The following SPRYD4 variants were observed in gnomAD, a reference collection of about 807,000 sequenced individuals.
SPRYD4 encodes SPRY domain containing 4, also known as SPRY domain-containing protein 4.
SPRYD4 carries 12 observed loss-of-function variants against 16.6 expected under a neutral mutation model. The observed-to-expected ratio is 0.72, with a 90% CI of 0.46 to 1.17. The LOEUF (loss-of-function observed/expected upper bound fraction) is 1.17, where lower values mean the gene tolerates loss of function less well. Ranked by LOEUF, SPRYD4 falls within the 50% of genes most tolerant of loss-of-function variation. SPRYD4 has a pLI of 0.00. For missense variants in SPRYD4, 260 were observed against 260.2 expected, an observed-to-expected ratio of 1.00 and a Z score of 0.00; for synonymous variants, 98 against 105.4, an observed-to-expected ratio of 0.93 and a Z score of 0.43.
rs770107628 is a variant in SPRYD4, at chr12:56,469,256, G to C, written c.303G>C (p.Arg101=). ...CAGTGAAGCGCTCCCAGCAGTTCCG[G>C]ATAGGAGTGGCAGATGTGGACATGT... ...EVTVKRSQQF[R]IGVADVDMSR... The change falls in exon 2 of 2, where the codon CGG becomes CGC. Residue 101 remains arginine, a synonymous_variant. Transcript: ENST00000338146. 16 of 1,613,962 alleles carry C rather than the reference G, an allele frequency of 9.9e-6. No homozygotes were observed. Among genetic ancestry groups the C allele is most frequent in the Non-Finnish European group, 1.4e-5 (16 of 1,179,954 alleles).
In SPRYD4 at chr12:56,471,814, G is replaced by T; in HGVS notation, c.*2237G>T. ...GATTCACTTTGCAAGCCTCGATCAG[G>T]AATTTAACAACTTCGATGTGTCCTA... On this transcript the variant is annotated 3_prime_UTR_variant, in exon 2 of 2. Transcript: ENST00000338146. The T allele has an allele frequency of 6.2e-7, 1 of 1,614,042 alleles. No homozygotes were observed. The highest frequency in any genetic ancestry group is 1.3e-5 in the African/African-American group (1 of 75,038).
In SPRYD4 at chr12:56,470,333, ATTTATT is replaced by A. The variant is rs1197266859; in HGVS notation, c.*760_*765del. The A allele has an allele frequency of 1.3e-5, 2 of 152,190 alleles. No homozygotes were observed. The highest frequency in any genetic ancestry group is 2.9e-5 in the Non-Finnish European group (2 of 68,218). The allele number at this position is 152,190 out of a possible 1,614,324, so 9.4% of individuals were successfully genotyped here. A position where few individuals can be genotyped will look rare whatever the true frequency, so the allele number is the denominator to read the frequency against. On this transcript the variant is annotated 3_prime_UTR_variant, in exon 2 of 2. Coordinates refer to ENST00000338146, the MANE Select transcript of SPRYD4 (RefSeq NM_207344.4). ...AGGGGATGAGTGCTAGAAACTATTT[ATTTATT>A]TTTGAGACAGAGTCTCACTCTGTCA...
Position 56,471,679 on chromosome 12 carries a change from C to T in SPRYD4, c.*2102C>T, listed in dbSNP as rs376798037. On this transcript the variant is annotated 3_prime_UTR_variant, in exon 2 of 2. Coordinates refer to ENST00000338146, the MANE Select transcript of SPRYD4 (RefSeq NM_207344.4). ...TAATGATATGATCAGGCAAAGGAGA[C>T]GTGGAGAGTGGTGGTTGTATATATT... The T allele has an allele frequency of 7.9e-5, 128 of 1,612,904 alleles. No homozygotes were observed. The highest frequency in any genetic ancestry group is 1.6e-4 in the Middle Eastern group (1 of 6,076).
At position 56,479,047 on chromosome 12, in the gene SPRYD4, C is replaced by T. The variant is rs769494122; in HGVS notation, c.*9470C>T. On this transcript the variant is annotated 3_prime_UTR_variant, in exon 2 of 2. Transcript: ENST00000338146. ...TGACCCCTCCCTTAGTCCCCTGACTCTCACTTTGCCTCCAGTGAGCTCTTT... is the reference window on the plus strand; with the variant it reads ...TGACCCCTCCCTTAGTCCCCTGACTTTCACTTTGCCTCCAGTGAGCTCTTT... The T allele has an allele frequency of 2.5e-6, 4 of 1,612,906 alleles. No individual in the cohort carries two copies. The highest frequency in any genetic ancestry group is 3.4e-6 in the Non-Finnish European group (4 of 1,179,440).
rs909803426 is a variant in SPRYD4, at chr12:56,473,989, GTCTT to G, written c.*4418_*4421del. ...CACATGAGATAGGGTGGTCAGAAAA[GTCTT>G]TCTTTGGAAATGACATCTAAGCTGA... On this transcript the variant is annotated 3_prime_UTR_variant, in exon 2 of 2. Transcript: ENST00000338146. The G allele has an allele frequency of 2.3e-5, 4 of 177,682 alleles. No individual in the cohort carries two copies. Among genetic ancestry groups the G allele is most frequent in the African/African-American group, 9.5e-5 (4 of 41,938 alleles). The allele number at this position is 177,682 out of a possible 1,614,324, so 11.0% of individuals were successfully genotyped here.
rs1273810531 is a variant in SPRYD4 at position 56,479,207 on chromosome 12, G to A, written c.*9630G>A. ...CTGGATCCCAGACACGATTGGATTA[G>A]GGGGCTAGAGAAATGCAGCTGGGAC... On this transcript the variant is annotated 3_prime_UTR_variant, in exon 2 of 2. Coordinates refer to ENST00000338146, the MANE Select transcript of SPRYD4 (RefSeq NM_207344.4). 6.2e-7 allele frequency: 1 copy of A among 1,610,228 alleles called. No individual in the cohort carries two copies. The highest frequency in any genetic ancestry group is 1.3e-5 in the African/African-American group (1 of 74,844).
In SPRYD4 at chr12:56,472,654, T is replaced by A. The variant is rs767761248; in HGVS notation, c.*3077T>A. ...TCCTAGTAAAATCTCTGACCAGGAG[T>A]ATTTTATTGTGTATATTTGGTCACA... On this transcript the variant is annotated 3_prime_UTR_variant, in exon 2 of 2. Transcript: ENST00000338146. 3 of 1,582,192 alleles carry A rather than the reference T, an allele frequency of 1.9e-6. No individual in the cohort carries two copies. Among genetic ancestry groups the A allele is most frequent in the Non-Finnish European group, 2.6e-6 (3 of 1,151,968 alleles).
rs1869733302 is a variant in SPRYD4, at chr12:56,475,565, C to G, written c.*5988C>G. Reference sequence around the variant, plus strand: ...TCTCCCCCATTCCTCTTGTCCCCATCCTAAGTACACACACATACACCACAA... The same window carrying G: ...TCTCCCCCATTCCTCTTGTCCCCATGCTAAGTACACACACATACACCACAA... On this transcript the variant is annotated 3_prime_UTR_variant, in exon 2 of 2. Coordinates refer to ENST00000338146, the MANE Select transcript of SPRYD4 (RefSeq NM_207344.4). 3.9e-6 allele frequency: 6 copies of G among 1,552,574 alleles called. No homozygotes were observed. Among genetic ancestry groups the G allele is most frequent in the Non-Finnish European group, 5.3e-6 (6 of 1,128,092 alleles).
In SPRYD4 at chr12:56,474,626, A is replaced by G. The variant is rs746803684; in HGVS notation, c.*5049A>G. ...GGTGTTGCGCACTGCTTCAGCACTC[A>G]GCACACTCTCGCCTGTGATGGGGCA... On this transcript the variant is annotated 3_prime_UTR_variant, in exon 2 of 2. Coordinates refer to ENST00000338146, the MANE Select transcript of SPRYD4 (RefSeq NM_207344.4). 1.2e-6 allele frequency: 2 copies of G among 1,614,228 alleles called. No homozygotes were observed. Among genetic ancestry groups the G allele is most frequent in the Non-Finnish European group, 1.7e-6 (2 of 1,180,042 alleles).
rs777427700 is a variant in SPRYD4, at chr12:56,472,182, C to T, written c.*2605C>T. The stretch of plus-strand genomic sequence containing the variant: ...TAGTCTTTCTGTTCCATATCCATGG[C>T]TGACAAGGCAAACCTGAGGGTAGTG... On this transcript the variant is annotated 3_prime_UTR_variant, in exon 2 of 2. Transcript: ENST00000338146. 1.9e-5 allele frequency: 30 copies of T among 1,614,162 alleles called. No homozygotes were observed. Among genetic ancestry groups the T allele is most frequent in the Non-Finnish European group, 2.4e-5 (28 of 1,180,022 alleles).
Position 56,478,476 on chromosome 12 carries a change from T to G in SPRYD4, c.*8899T>G. On this transcript the variant is annotated 3_prime_UTR_variant, in exon 2 of 2. Coordinates refer to ENST00000338146, the MANE Select transcript of SPRYD4 (RefSeq NM_207344.4). ...ATCCGCAATCCTGTAGAGATAGCAG[T>G]AAAGCCAATGGAAGTTAAAAAAGGA... 1 of 557,958 alleles carries G rather than the reference T, an allele frequency of 1.8e-6. No individual in the cohort carries two copies. The highest frequency in any genetic ancestry group is 1.9e-5 in the African/African-American group (1 of 53,086). The allele number at this position is 557,958 out of a possible 1,614,324, so 34.6% of individuals were successfully genotyped here.
In SPRYD4 at chr12:56,474,771, C is replaced by T. The variant is rs1384139996; in HGVS notation, c.*5194C>T. On this transcript the variant is annotated 3_prime_UTR_variant, in exon 2 of 2. Coordinates refer to ENST00000338146, the MANE Select transcript of SPRYD4 (RefSeq NM_207344.4). ...ATGTGACGTGAACCTGCACATGGGA[C>T]CCTCGGGTGTAGGGAAAGGGCAAGG... 8 of 1,612,142 alleles carry T rather than the reference C, an allele frequency of 5.0e-6. No individual in the cohort carries two copies. The South Asian group carries it at 6.6e-5, about 13-fold the overall frequency.
At position 56,470,180 on chromosome 12, in the gene SPRYD4, C is replaced by G. The variant is rs1869172616; in HGVS notation, c.*603C>G. On this transcript the variant is annotated 3_prime_UTR_variant, in exon 2 of 2. Transcript: ENST00000338146. ...GCCACAGACCTTCAGCCCCACACAG[C>G]TGTAGCTATCCTTACCCTGAGTCCA... 6.4e-6 allele frequency: 1 copy of G among 155,928 alleles called. No individual in the cohort carries two copies. Among genetic ancestry groups the G allele is most frequent in the Non-Finnish European group, 1.4e-5 (1 of 70,168 alleles). The allele number at this position is 155,928 out of a possible 1,614,324, so 9.7% of individuals were successfully genotyped here.
At position 56,474,277 on chromosome 12, in the gene SPRYD4, T is replaced by TG; in HGVS notation, c.*4704dup. 2.3e-6 allele frequency: 1 copy of TG among 430,516 alleles called. No individual in the cohort carries two copies. 26.7% of individuals were successfully genotyped at this position (430,516 alleles called of 1,614,324 possible). A position where few individuals can be genotyped will look rare whatever the true frequency, so the allele number is the denominator to read the frequency against. ...GCTAATTTTTTGTATTTAGTAGAGATGGGGTTTCACCATGTAGGTCAGGCT... is the reference window on the plus strand; with the variant it reads ...GCTAATTTTTTGTATTTAGTAGAGATGGGGGTTTCACCATGTAGGTCAGGCT... On this transcript the variant is annotated 3_prime_UTR_variant, in exon 2 of 2. Transcript: ENST00000338146.
rs1869921455 is a variant in SPRYD4, at chr12:56,477,461, T to A, written c.*7884T>A. The A allele has an allele frequency of 1.9e-6, 1 of 530,004 alleles. No homozygotes were observed. The allele number at this position is 530,004 out of a possible 1,614,324, so 32.8% of individuals were successfully genotyped here. On this transcript the variant is annotated 3_prime_UTR_variant, in exon 2 of 2. Coordinates refer to ENST00000338146, the MANE Select transcript of SPRYD4 (RefSeq NM_207344.4). ...GGCAGGGAACAGTACTGAGTGGGGA[T>A]GACGGAGGTGGTGCAGTCTCTTATA...
chr12:56,477,492 A>C lies in SPRYD4; in HGVS notation c.*7915A>C. 1 of 643,152 alleles carries C rather than the reference A, an allele frequency of 1.6e-6. No homozygotes were observed. Among genetic ancestry groups the C allele is most frequent in the East Asian group, 2.6e-5 (1 of 38,170 alleles). The allele number at this position is 643,152 out of a possible 1,614,324, so 39.8% of individuals were successfully genotyped here. On this transcript the variant is annotated 3_prime_UTR_variant, in exon 2 of 2. Coordinates refer to ENST00000338146, the MANE Select transcript of SPRYD4 (RefSeq NM_207344.4). ...AGGTGGTGCAGTCTCTTATACTGAC[A>C]TTGTCAGCATAACATGTGGGTCCCT... is the stretch of plus-strand genomic sequence containing the variant.
In SPRYD4 at chr12:56,478,268, C is replaced by T. The variant is rs1316659995; in HGVS notation, c.*8691C>T. 2 of 1,613,852 alleles carry T rather than the reference C, an allele frequency of 1.2e-6. No homozygotes were observed. Among genetic ancestry groups the T allele is most frequent in the Non-Finnish European group, 1.7e-6 (2 of 1,179,912 alleles). On this transcript the variant is annotated 3_prime_UTR_variant, in exon 2 of 2. Transcript: ENST00000338146. ...TGAGGGATGTAGGCTGCCACCTGGACATGAGTGGGTAGAGAAAAGGGAGAT... is the reference window on the plus strand; with the variant it reads ...TGAGGGATGTAGGCTGCCACCTGGATATGAGTGGGTAGAGAAAAGGGAGAT...
Position 56,473,637 on chromosome 12 carries a change from C to T in SPRYD4, c.*4060C>T, listed in dbSNP as rs376144385. 5 of 1,572,054 alleles carry T rather than the reference C, an allele frequency of 3.2e-6. No individual in the cohort carries two copies. The highest frequency in any genetic ancestry group is 4.3e-6 in the Non-Finnish European group (5 of 1,157,170). Reference sequence around the variant, plus strand: ...AGCTGAGGATAAAGTGGGTGTGCCCCAAATCAGAAAATAAACAAGTTAGGC... The same window carrying T: ...AGCTGAGGATAAAGTGGGTGTGCCCTAAATCAGAAAATAAACAAGTTAGGC... On this transcript the variant is annotated 3_prime_UTR_variant, in exon 2 of 2. Transcript: ENST00000338146.
In SPRYD4 at chr12:56,471,518, A is replaced by G; in HGVS notation, c.*1941A>G. The stretch of plus-strand genomic sequence containing the variant: ...CATGCTTTCTAAGTTCTCTTTGGAC[A>G]GGGCCTCAGCTGCTGCCTCAGCCTG... On this transcript the variant is annotated 3_prime_UTR_variant, in exon 2 of 2. Coordinates refer to ENST00000338146, the MANE Select transcript of SPRYD4 (RefSeq NM_207344.4). 1 of 1,613,916 alleles carries G rather than the reference A, an allele frequency of 6.2e-7. No individual in the cohort carries two copies. The highest frequency in any genetic ancestry group is 8.5e-7 in the Non-Finnish European group (1 of 1,179,920).
Sources: gnomAD v4.1 joint callset for allele counts on GRCh38, gnomAD v4.1.1 for gene constraint, MANE v1.5 for transcripts, NCBI Gene and HGNC (gene_info 2026-07-23, HGNC 2026-07-21) for gene names.